ABHD6: variants seen among roughly 807,000 people sequenced by gnomAD.
ABHD6 encodes the protein abhydrolase domain containing 6, acylglycerol lipase, also known as monoacylglycerol lipase ABHD6.
Under a neutral mutation model 38.8 loss-of-function variants are expected in ABHD6, and 33 were observed. That is an observed-to-expected ratio of 0.85 (90% confidence interval 0.64 to 1.14). The LOEUF (loss-of-function observed/expected upper bound fraction) is 1.14, where lower values mean the gene tolerates loss of function less well. Among genes scored for constraint, ABHD6 ranks in the 50% most tolerant of loss-of-function variants. The probability of loss-of-function intolerance (pLI) is 0.00; values close to 1 mark genes in which losing one functional copy is unlikely to be tolerated. For missense variants in ABHD6, 380 were observed against 422.6 expected (o/e 0.90, Z 0.88); for synonymous variants, 147 against 161.6 (o/e 0.91, Z 0.69).
At chr3:58,255,462 CTT>C (rs373989173) in intron 2 of ABHD6, among the ~76,000 whole-genome samples, 1,395 of 129,752 alleles carry the variant, frequency 0.011, 23 homozygotes, top group African/African-American at 0.038. Flanking sequence ...AAAAGTCTGT[CTT>C]TTTTTTTTTT....
In ABHD6 at chr3:58,286,848, G is replaced by GCATATATATATATATATATATATATATA. The variant is rs746605515; in HGVS notation, c.837+1395_837+1396insCATATATATATATATATATATATATATA. 8.9e-4 allele frequency among the ~76,000 whole-genome samples: 62 copies of GCATATATATATATATATATATATATATA among 70,032 alleles called. 1 individual carries two copies. The highest frequency in any genetic ancestry group is 6.7e-3 in the Middle Eastern group (1 of 150). 45.9% of individuals were successfully genotyped at this position (70,032 alleles called of 152,430 possible). On this transcript the variant is annotated intron_variant, in intron 9 of 9. Transcript: ENST00000478253. ...TGTGTGTGTGTGTGTGTGTGTGTGT[G>GCATATATATATATATATATATATATATA]TGTGTATATATATATATATATGTAT...
chr3:58,269,089 A>G lies in ABHD6; in HGVS notation c.277-232A>G, dbSNP rs1444481312. Among the ~76,000 whole-genome samples the G allele has an allele frequency of 6.6e-6, 1 of 152,204 alleles. No homozygotes were observed. Among genetic ancestry groups the G allele is most frequent in the Non-Finnish European group, 1.5e-5 (1 of 68,030 alleles). On this transcript the variant is annotated intron_variant, in intron 4 of 9. Transcript: ENST00000478253. The surrounding 1 kb of genome is among the most constrained non-coding windows in gnomAD (Gnocchi z 4.4). ...TGCCCCGACTTTGTCCCCTTTTTAC[A>G]GGCATCTCCTGAGCCTGCTTCCATC...
intron 3 of ABHD6, among the ~76,000 whole-genome samples, chr3:58,261,615 T>C (rs1287551635): frequency 6.6e-6 from 1 of 152,208 alleles, no homozygotes; most frequent in Non-Finnish European, 1.5e-5. Context: ...CCCAAAGCTC[T>C]GGGATTACAG....
intron 7 of ABHD6, among the ~76,000 whole-genome samples, chr3:58,279,069 T>C (rs1441345083): frequency 6.6e-6 from 1 of 152,230 alleles, no homozygotes; most frequent in East Asian, 1.9e-4. Context: ...AAGAAGAATG[T>C]ATATTCTGTT....
chr3:58,265,144 T>C lies in ABHD6; in HGVS notation c.120-2045T>C, dbSNP rs1334649978. Among the ~76,000 whole-genome samples, 2 of 152,242 alleles carry C rather than the reference T, an allele frequency of 1.3e-5. No individual in the cohort carries two copies. The highest frequency in any genetic ancestry group is 2.9e-5 in the Non-Finnish European group (2 of 68,042). On this transcript the variant is annotated intron_variant, in intron 3 of 9. Coordinates refer to ENST00000478253, the MANE Select transcript of ABHD6 (RefSeq NM_001320126.2). The surrounding 1 kb of genome is among the most constrained non-coding windows in gnomAD (Gnocchi z 4.2). ...TAGATCCCATAAATAAGTGAGAGCA[T>C]GTGATGTTTGTCTTTCTGTGTCTGG...
intron 9 of ABHD6, among the ~76,000 whole-genome samples, chr3:58,290,393 C>A (rs2097461358): frequency 7.7e-6 from 1 of 129,798 alleles, no homozygotes; most frequent in Admixed American, 7.3e-5. Context: ...GGCAGAGGGG[C>A]TCCTCACTTC....
At chr3:58,258,475 C>A in intron 3 of ABHD6, 1 of 338,184 alleles carries the variant, frequency 3.0e-6, no homozygotes. Context: ...GGTTAACAGT[C>A]AAAAAGAAAG....
At chr3:58,247,095 G>A (rs902239973) in intron 1 of ABHD6, among the ~76,000 whole-genome samples, 5 of 150,170 alleles carry the variant, frequency 3.3e-5, no homozygotes, top group African/African-American at 1.2e-4. Context: ...GCAGTGCAGT[G>A]CACTGCAACC....
intron 9 of ABHD6, among the ~76,000 whole-genome samples, chr3:58,290,473 A>G (rs1385062600): frequency 1.8e-5 from 1 of 54,774 alleles, no homozygotes; most frequent in African/African-American, 8.2e-5. Flanking sequence ...CGGGGGGCTG[A>G]CCCCCCCACC....
In ABHD6 at chr3:58,274,511, G is replaced by A. The variant is rs574898412; in HGVS notation, c.524-147G>A. ...TCAGTGTGGTTTTGATTTGAGCAAG[G>A]ATGGCAGTACCAACAAAAAAGAAAT... is the stretch of plus-strand genomic sequence containing the variant. On this transcript the variant is annotated intron_variant, in intron 6 of 9. Transcript: ENST00000478253. The A allele has an allele frequency of 7.6e-6, 6 of 790,244 alleles. No individual in the cohort carries two copies. The African/African-American group carries it at 1.1e-4, about 14-fold the overall frequency. The allele number at this position is 790,244 out of a possible 1,614,324, so 49.0% of individuals were successfully genotyped here.
At chr3:58,281,106 G>T (rs2107467939) in intron 7 of ABHD6, among the ~76,000 whole-genome samples, 1 of 152,310 alleles carries the variant, frequency 6.6e-6, no homozygotes, top group Middle Eastern at 3.4e-3. Flanking sequence ...ATGCTGTGCT[G>T]GGAGAACAAC....
chr3:58,281,936 C>T (rs373165075), intron 7 of ABHD6, among the ~76,000 whole-genome samples: 4 of 151,754 alleles, frequency 2.6e-5, no homozygotes, highest in Admixed American at 6.6e-5. Context: ...GTCAACGTAG[C>T]GAGACCCCAT....
intron 2 of ABHD6, among the ~76,000 whole-genome samples, chr3:58,254,883 C>CACACAT: frequency 8.0e-6 from 1 of 125,160 alleles, no homozygotes; most frequent in South Asian, 2.7e-4. Context: ...CACACACACA[C>CACACAT]ATATATATAT....
In ABHD6 at chr3:58,293,370, C is replaced by A. The variant is rs2097464711; in HGVS notation, c.838-219C>A. ...CTACCTCAGTATTGCTGACATCAGC[C>A]CAACTCCTGGCACAGAGTTGCAGAA... is the stretch of plus-strand genomic sequence containing the variant. On this transcript the variant is annotated intron_variant, in intron 9 of 9. Transcript: ENST00000478253. This position sits in a 1 kb window ranked among gnomAD's most constrained non-coding sequence, Gnocchi z 4.4. Among the ~76,000 whole-genome samples, 1 of 152,274 alleles carries A rather than the reference C, an allele frequency of 6.6e-6. No homozygotes were observed.
Position 58,259,923 on chromosome 3 carries a change from G to A in ABHD6, c.119+3218G>A, listed in dbSNP as rs1206147256. 6.6e-6 allele frequency among the ~76,000 whole-genome samples: 1 copy of A among 152,038 alleles called. No individual in the cohort carries two copies. Among genetic ancestry groups the A allele is most frequent in the Non-Finnish European group, 1.5e-5 (1 of 68,036 alleles). Reference sequence around the variant, plus strand: ...GATGTGCCCATTACGGACATTTCACGTAAACGGGGTTATACATGTGTGACC... The same window carrying A: ...GATGTGCCCATTACGGACATTTCACATAAACGGGGTTATACATGTGTGACC... On this transcript the variant is annotated intron_variant, in intron 3 of 9. Coordinates refer to ENST00000478253, the MANE Select transcript of ABHD6 (RefSeq NM_001320126.2). The surrounding 1 kb of genome is among the most constrained non-coding windows in gnomAD (Gnocchi z 4.7).
chr3:58,289,488 T>C (rs7619120), intron 9 of ABHD6, among the ~76,000 whole-genome samples: 115,522 of 148,068 alleles, frequency 0.78, 45,811 homozygotes, highest in East Asian at 1. Flanking sequence ...CATCTTGCAC[T>C]GCCCTTAATC....
intron 1 of ABHD6, among the ~76,000 whole-genome samples, chr3:58,239,869 CG>C (rs1411845664): frequency 6.6e-6 from 1 of 151,330 alleles, no homozygotes; most frequent in Non-Finnish European, 1.5e-5. Flanking sequence ...TGTTTTGTCT[CG>C]GTGTGGTGGG....
At position 58,271,004 on chromosome 3, in the gene ABHD6, G is replaced by T; in HGVS notation, c.463G>T (p.Gly155Trp). 6.2e-7 allele frequency: 1 copy of T among 1,613,118 alleles called. No individual in the cohort carries two copies. Among genetic ancestry groups the T allele is most frequent in the Non-Finnish European group, 8.5e-7 (1 of 1,179,754 alleles). The part of the protein sequence containing the change: ...VGTSMGGQVA[G>W]VYAAYYPSDV... ...CACCTCCATGGGTGGCCAGGTGGCT[G>T]GGGTGTATGCTGCTTACTACCCATC... is the stretch of plus-strand genomic sequence containing the variant. The change falls in exon 6 of 10, where the codon GGG becomes TGG. Residue 155 changes from glycine (G) to tryptophan (W), a missense_variant. Gly to Trp is a radical substitution (Grantham distance 184). Coordinates refer to ENST00000478253, the MANE Select transcript of ABHD6 (RefSeq NM_001320126.2).
At chr3:58,279,716 A>G (rs2097451527) in intron 7 of ABHD6, among the ~76,000 whole-genome samples, 1 of 152,182 alleles carries the variant, frequency 6.6e-6, no homozygotes, top group Admixed American at 6.5e-5. Context: ...ATGTTTTTGC[A>G]GTGGCTCATA....
Sources: gnomAD v4.1 joint callset for allele counts (sites outside exome capture counted in the v4.1 genomes callset) on GRCh38, gnomAD v4.1.1 for gene constraint, Gnocchi (gnomAD v3.1) non-coding constraint, MANE v1.5 for transcripts, NCBI Gene and HGNC (gene_info 2026-07-23, HGNC 2026-07-21) for gene names.